EIF4G3: variants seen among roughly 807,000 people sequenced by gnomAD.
EIF4G3 encodes eukaryotic translation initiation factor 4 gamma 3, also known as eIF-4-gamma 3.
Under a neutral mutation model 186.4 loss-of-function variants are expected in EIF4G3, and 34 were observed. The observed-to-expected ratio is 0.18, with a 90% CI of 0.14 to 0.24. The LOEUF is 0.24. Among genes scored for constraint, EIF4G3 ranks in the 10% least tolerant of loss-of-function variants. The probability of loss-of-function intolerance (pLI) is 1.00; values close to 1 mark genes in which losing one functional copy is unlikely to be tolerated. For synonymous variants in EIF4G3, 673 were observed against 679.5 expected (o/e 0.99, Z 0.15); for missense variants, 1,536 against 1,948.5 (o/e 0.79, Z 3.99).
Position 20,977,892 on chromosome 1 carries a change from C to T in EIF4G3, c.493+2442G>A, listed in dbSNP as rs565908345. ...AATAAAGAGGGCTGGCACAGACTTA[C>T]AGCAGGAAATTTAATGATGACATTT... On this transcript the variant is annotated intron_variant, in intron 10 of 36. Transcript: ENST00000602326. Among the ~76,000 whole-genome samples, 19 of 152,208 alleles carry T rather than the reference C, an allele frequency of 1.2e-4. No homozygotes were observed. In the Middle Eastern group the frequency reaches 0.01, roughly 82 times the overall value.
chr1:20,913,407 A>G (rs2093479690), intron 14 of EIF4G3, among the ~76,000 whole-genome samples: 1 of 152,108 alleles, frequency 6.6e-6, no homozygotes, highest in South Asian at 2.1e-4. Flanking sequence ...GTGTGGTGGC[A>G]TGTGTCTTTA....
intron 4 of EIF4G3, among the ~76,000 whole-genome samples, chr1:21,007,960 C>A (rs1243765400): frequency 6.6e-6 from 1 of 152,054 alleles, no homozygotes; most frequent in Non-Finnish European, 1.5e-5. Context: ...TAAAGAAAAC[C>A]TCTGTCCTCC....
chr1:21,013,899 G>A (rs1484347410), intron 4 of EIF4G3, among the ~76,000 whole-genome samples: 1 of 152,240 alleles, frequency 6.6e-6, no homozygotes, highest in African/African-American at 2.4e-5. Flanking sequence ...GCTGGGCACA[G>A]TAGCTCATGC....
intron 2 of EIF4G3, among the ~76,000 whole-genome samples, chr1:21,149,102 AAAG>A (rs960141506): frequency 3.9e-5 from 6 of 152,110 alleles, no homozygotes; most frequent in Admixed American, 1.3e-4. Context: ...TAAAAAAAAA[AAAG>A]AAAGAAAGAA....
chr1:21,113,375 C>T (rs1007547349), intron 2 of EIF4G3, among the ~76,000 whole-genome samples: 29 of 151,798 alleles, frequency 1.9e-4, no homozygotes. Flanking sequence ...TGTGCTTCTG[C>T]ATTTAATCTG....
chr1:21,039,243 T>G (rs1276204743), intron 4 of EIF4G3, among the ~76,000 whole-genome samples: 1 of 152,154 alleles, frequency 6.6e-6, no homozygotes, highest in Non-Finnish European at 1.5e-5. Flanking sequence ...GATAGCCACA[T>G]GCCAAAAAAA....
intron 13 of EIF4G3, among the ~76,000 whole-genome samples, chr1:20,948,812 C>G (rs1237183530): frequency 6.6e-6 from 1 of 151,550 alleles, no homozygotes; most frequent in Non-Finnish European, 1.5e-5. Context: ...AATTTGAGAG[C>G]AGCCTGGCCA....
chr1:20,856,343 A>G (rs1319888850), intron 25 of EIF4G3, among the ~76,000 whole-genome samples: 1 of 152,184 alleles, frequency 6.6e-6, no homozygotes, highest in Non-Finnish European at 1.5e-5. Context: ...TTTTCACATT[A>G]GTTTTGATTG....
chr1:21,077,485 T>C (rs1399047589), intron 3 of EIF4G3, among the ~76,000 whole-genome samples: 2 of 150,472 alleles, frequency 1.3e-5, no homozygotes, highest in Admixed American at 1.3e-4. Context: ...GACAAGTATA[T>C]GAAAAGTGCT....
At chr1:20,993,693 A>G (rs1214053639) in intron 7 of EIF4G3, among the ~76,000 whole-genome samples, 1 of 152,228 alleles carries the variant, frequency 6.6e-6, no homozygotes, top group Non-Finnish European at 1.5e-5. Context: ...GAATAATGCA[A>G]TAAAGGACAA....
intron 3 of EIF4G3, among the ~76,000 whole-genome samples, chr1:21,084,906 C>T (rs958754384): frequency 2.6e-5 from 4 of 151,926 alleles, no homozygotes; most frequent in African/African-American, 9.7e-5. Flanking sequence ...GATGTAATAT[C>T]CATGAGGGCT....
chr1:21,138,973 C>G (rs1455388565), intron 2 of EIF4G3, among the ~76,000 whole-genome samples: 1 of 152,110 alleles, frequency 6.6e-6, no homozygotes, highest in Non-Finnish European at 1.5e-5. Context: ...CAGCCTTGAC[C>G]TCCTGGGCTC....
intron 14 of EIF4G3, among the ~76,000 whole-genome samples, chr1:20,919,494 C>T (rs190106886): frequency 4.6e-5 from 7 of 152,194 alleles, no homozygotes; most frequent in Admixed American, 4.6e-4. Flanking sequence ...TGTGAGCCAC[C>T]AAGCCTGACC....
In EIF4G3 at chr1:20,899,952, T is replaced by G; in HGVS notation, c.1753-9A>C. ...TCCTCTTCAGCTTTAAGCTAAATAA[T>G]AAATGAACAAAGAGGTTACATTTTT... On this transcript the variant is annotated splice_polypyrimidine_tract_variant and intron_variant, in intron 15 of 36. Transcript: ENST00000602326. 2 of 1,601,610 alleles carry G rather than the reference T, an allele frequency of 1.2e-6. No homozygotes were observed. Among genetic ancestry groups the G allele is most frequent in the Non-Finnish European group, 1.7e-6 (2 of 1,176,310 alleles).
chr1:21,007,006 T>C (rs1449733048), intron 4 of EIF4G3, among the ~76,000 whole-genome samples: 2 of 152,218 alleles, frequency 1.3e-5, no homozygotes, highest in African/African-American at 4.8e-5. Context: ...TGCCATCACC[T>C]AAACTAAATT....
chr1:20,976,364 G>A (rs1372451431), intron 10 of EIF4G3, among the ~76,000 whole-genome samples: 1 of 141,810 alleles, frequency 7.1e-6, no homozygotes, highest in African/African-American at 2.7e-5. Context: ...GTCACACAGA[G>A]GTTTAACAAC....
chr1:20,873,888 T>A (rs1191748105), intron 20 of EIF4G3, among the ~76,000 whole-genome samples: 1 of 152,138 alleles, frequency 6.6e-6, no homozygotes. Context: ...CCCCTCTCTG[T>A]GTCCATGTGT....
rs116131425 is a variant in EIF4G3, at chr1:21,083,220, G to A, written c.-196+5918C>T. ...TATGCCACTACTCTCTGACCTAGAC[G>A]ACAGAGTGAGACTCTGTTAAATAAA... On this transcript the variant is annotated intron_variant, in intron 3 of 36. Transcript: ENST00000602326. Among the ~76,000 whole-genome samples, 778 of 152,082 alleles carry A rather than the reference G, an allele frequency of 5.1e-3. 7 individuals are homozygous for A. The highest frequency in any genetic ancestry group is 0.018 in the African/African-American group (746 of 41,480).
intron 2 of EIF4G3, among the ~76,000 whole-genome samples, chr1:21,127,235 C>T (rs2102440929): frequency 6.6e-6 from 1 of 152,274 alleles, no homozygotes; most frequent in East Asian, 1.9e-4. Context: ...CCAATCCTCC[C>T]CAAAGTGCTG....
Sources: gnomAD v4.1 joint callset for allele counts (sites outside exome capture counted in the v4.1 genomes callset) on GRCh38, gnomAD v4.1.1 for gene constraint, MANE v1.5 for transcripts, NCBI Gene and HGNC (gene_info 2026-07-23, HGNC 2026-07-21) for gene names.